Variants in WWOX observed in about 807,000 individuals in gnomAD.
WWOX encodes WW domain-containing oxidoreductase.
Under a neutral mutation model 46.2 loss-of-function variants are expected in WWOX, and 69 were observed. The observed-to-expected ratio is 1.49, with a 90% CI of 1.23 to 1.82. The LOEUF (loss-of-function observed/expected upper bound fraction) is 1.82. Among genes scored for constraint, WWOX ranks in the 40% most tolerant of loss-of-function variants. WWOX has a pLI of 0.00. For synonymous variants in WWOX, 359 were observed against 202.6 expected (o/e 1.77, Z -6.56); for missense variants, 919 against 542.6 (o/e 1.69, Z -6.89).
At chr16:78,439,573 T>A (rs1309307196) in intron 8 of WWOX, among the ~76,000 whole-genome samples, 1 of 152,218 alleles carries the variant, frequency 6.6e-6, no homozygotes, top group Non-Finnish European at 1.5e-5. Flanking sequence ...GGCAAAGGAT[T>A]TAGAATCATG....
chr16:78,906,158 C>T (rs567589804), intron 8 of WWOX, among the ~76,000 whole-genome samples: 1 of 152,268 alleles, frequency 6.6e-6, no homozygotes, highest in East Asian at 1.9e-4. Context: ...CTCAGCGAAA[C>T]CTCAGCCATC....
chr16:78,703,820 C>G (rs1161746122), intron 8 of WWOX, among the ~76,000 whole-genome samples: 4 of 152,082 alleles, frequency 2.6e-5, no homozygotes, highest in Non-Finnish European at 1.5e-5. Context: ...GTTGCTGGTA[C>G]TGCTGTGGGC....
chr16:78,839,102 G>A (rs2052069476), intron 8 of WWOX, among the ~76,000 whole-genome samples: 1 of 151,472 alleles, frequency 6.6e-6, no homozygotes. Flanking sequence ...TTTCTTGACT[G>A]CATGTGAATC....
Position 79,029,082 on chromosome 16 carries a change from A to G in WWOX, c.1057-182526A>G, listed in dbSNP as rs749519817. Among the ~76,000 whole-genome samples, 3 of 149,022 alleles carry G rather than the reference A, an allele frequency of 2.0e-5. 1 individual carries two copies. The highest frequency in any genetic ancestry group is 7.8e-5 in the African/African-American group (3 of 38,414). On this transcript the variant is annotated intron_variant, in intron 8 of 8. Transcript: ENST00000566780. ...TGGAAACATGTTTTCTCAATGGTCC[A>G]TTTGGGCAAACAGGCCAGCTGAGGT...
intron 5 of WWOX, among the ~76,000 whole-genome samples, chr16:78,286,767 G>C (rs2079774526): frequency 6.6e-6 from 1 of 151,636 alleles, no homozygotes; most frequent in Non-Finnish European, 1.5e-5. Flanking sequence ...ATACCTATTA[G>C]AGCATCATAA....
At chr16:78,596,419 A>G (rs1240747201) in intron 8 of WWOX, among the ~76,000 whole-genome samples, 1 of 152,090 alleles carries the variant, frequency 6.6e-6, no homozygotes, top group Non-Finnish European at 1.5e-5. Context: ...TCACGGTGGG[A>G]TGACACAGGC....
chr16:79,007,978 A>G (rs539461445), intron 8 of WWOX, among the ~76,000 whole-genome samples: 7 of 152,306 alleles, frequency 4.6e-5, no homozygotes, highest in East Asian at 3.9e-4. Context: ...CAAATTTAGT[A>G]TATTTGTTAT....
At chr16:78,512,785 A>C (rs1597192478) in intron 8 of WWOX, among the ~76,000 whole-genome samples, 1 of 152,352 alleles carries the variant, frequency 6.6e-6, no homozygotes, top group East Asian at 1.9e-4. Context: ...AATGAAGGTT[A>C]CTGTTGCATT....
At chr16:78,898,119 A>T (rs2044744239) in intron 8 of WWOX, 1 of 151,842 alleles carries the variant, frequency 6.6e-6, no homozygotes, top group East Asian at 1.9e-4. Flanking sequence ...TTATTCCTTA[A>T]TGGTGTCTTT....
chr16:79,013,045 A>G (rs2047343585), intron 8 of WWOX, among the ~76,000 whole-genome samples: 2 of 152,162 alleles, frequency 1.3e-5, no homozygotes, highest in Admixed American at 1.3e-4. Context: ...TGTCAGCCTG[A>G]GCAACAGAGC....
At chr16:79,192,335 T>TCATC (rs1198088303) in intron 8 of WWOX, among the ~76,000 whole-genome samples, 33 of 145,498 alleles carry the variant, frequency 2.3e-4, no homozygotes, top group African/African-American at 8.4e-4. Context: ...ATTCATTCAT[T>TCATC]CATCCACCCA....
chr16:78,265,773 G>A (rs781128445), intron 5 of WWOX, among the ~76,000 whole-genome samples: 4 of 150,358 alleles, frequency 2.7e-5, no homozygotes, highest in Admixed American at 6.6e-5. Flanking sequence ...TCACAGCTGT[G>A]TCTTCATCCT....
At chr16:78,835,238 C>T (rs1472340682) in intron 8 of WWOX, among the ~76,000 whole-genome samples, 1 of 152,232 alleles carries the variant, frequency 6.6e-6, no homozygotes, top group East Asian at 1.9e-4. Flanking sequence ...TGCCAGCATT[C>T]TAGTAAAATT....
At chr16:78,445,104 G>C (rs185860059) in intron 8 of WWOX, among the ~76,000 whole-genome samples, 1 of 152,132 alleles carries the variant, frequency 6.6e-6, no homozygotes, top group Non-Finnish European at 1.5e-5. Context: ...CTTTCTGGAC[G>C]TACCACCTCG....
At chr16:79,153,145 A>T (rs965496148) in intron 8 of WWOX, among the ~76,000 whole-genome samples, 1 of 152,126 alleles carries the variant, frequency 6.6e-6, no homozygotes, top group African/African-American at 2.4e-5. Context: ...TTTTCATTCA[A>T]CCGCCAAGAA....
intron 8 of WWOX, among the ~76,000 whole-genome samples, chr16:78,694,354 T>C (rs2048054617): frequency 6.6e-6 from 1 of 152,140 alleles, no homozygotes; most frequent in African/African-American, 2.4e-5. Context: ...CTTCTGCAAA[T>C]ACTTGACAAA....
At chr16:79,082,858 G>A (rs1250415413) in intron 8 of WWOX, among the ~76,000 whole-genome samples, 1 of 152,138 alleles carries the variant, frequency 6.6e-6, no homozygotes, top group East Asian at 1.9e-4. Context: ...TGAATTGTCC[G>A]CTGTTGTATG....
chr16:78,169,113 G>A (rs923664905), intron 5 of WWOX, among the ~76,000 whole-genome samples: 1 of 152,174 alleles, frequency 6.6e-6, no homozygotes, highest in South Asian at 2.1e-4. Context: ...TTGTGGAACA[G>A]CACACAGATG....
At chr16:78,290,679 T>C (rs1170531012) in intron 5 of WWOX, among the ~76,000 whole-genome samples, 2 of 152,002 alleles carry the variant, frequency 1.3e-5, no homozygotes, top group Non-Finnish European at 2.9e-5. Context: ...GAAAAATGAC[T>C]GACGTGAAGA....
Sources: gnomAD v4.1 joint callset for allele counts (sites outside exome capture counted in the v4.1 genomes callset) on GRCh38, gnomAD v4.1.1 for gene constraint, MANE v1.5 for transcripts, NCBI Gene and HGNC (gene_info 2026-07-23, HGNC 2026-07-21) for gene names.